The following PCDHA1 variants were observed in gnomAD, a reference collection of about 807,000 sequenced individuals.
The protein encoded by PCDHA1 is protocadherin alpha 1.
A neutral mutation model predicts 61.3 loss-of-function variants in PCDHA1; 42 were observed. The ratio of observed to expected loss-of-function variants is 0.69; its 90% CI spans 0.54 to 0.89. The LOEUF is 0.89. PCDHA1 is among the 40% of genes least tolerant of loss of function. The pLI is 0.00. For missense variants in PCDHA1, 1,256 were observed against 1,235.3 expected (o/e 1.02, Z -0.25); for synonymous variants, 610 against 553.8 (o/e 1.10, Z -1.43).
At chr5:140,968,322 C>T (rs782755782) in intron 1 of PCDHA1, 9 of 1,614,122 alleles carry the variant, frequency 5.6e-6, no homozygotes, top group Non-Finnish European at 6.8e-6. Context: ...CTGCCAGTCA[C>T]CTCCTATGTC....
chr5:140,887,004 C>T (rs1341039143), intron 1 of PCDHA1, among the ~76,000 whole-genome samples: 1 of 152,066 alleles, frequency 6.6e-6, no homozygotes, highest in African/African-American at 2.4e-5. Flanking sequence ...GTTGGTATCA[C>T]TTTCCTACTG....
Position 140,857,722 on chromosome 5 carries a change from C to G in PCDHA1, c.2394+69038C>G, listed in dbSNP as rs371525843. The G allele has an allele frequency of 7.4e-5, 119 of 1,597,430 alleles. 2 individuals carry two copies. The highest frequency in any genetic ancestry group is 6.2e-4 in the East Asian group (28 of 44,824). The stretch of plus-strand genomic sequence containing the variant: ...TGCAGGTGTTCGTGCTGGACGAGAA[C>G]GACAACGCTCCCGCGCTGCTGGCGT... On this transcript the variant is annotated intron_variant, in intron 1 of 3. Transcript: ENST00000504120.
intron 1 of PCDHA1, chr5:140,858,206 A>T (rs781984728): frequency 1.3e-6 from 2 of 1,593,038 alleles, no homozygotes; most frequent in Non-Finnish European, 1.7e-6. Flanking sequence ...CACTGCACTG[A>T]GGTGCTCGGC....
intron 1 of PCDHA1, chr5:140,835,364 C>T: frequency 6.2e-7 from 1 of 1,613,892 alleles, no homozygotes; most frequent in Non-Finnish European, 8.5e-7. Flanking sequence ...ATAAAGGCTT[C>T]CCACCCCTGG....
chr5:140,967,495 C>G, intron 1 of PCDHA1: 1 of 1,613,306 alleles, frequency 6.2e-7, no homozygotes. Flanking sequence ...CGGCACAGAT[C>G]TCTGTGCGTG....
chr5:140,822,587 G>T (rs2150117559), intron 1 of PCDHA1: 36 of 1,609,596 alleles, frequency 2.2e-5, no homozygotes, highest in Middle Eastern at 1.6e-4. Flanking sequence ...GCAGATGAGG[G>T]CATCAATAAG....
At position 140,843,439 on chromosome 5, in the gene PCDHA1, G is replaced by T. The variant is rs2150360020; in HGVS notation, c.2394+54755G>T. The T allele has an allele frequency of 1.9e-6, 3 of 1,596,092 alleles. No homozygotes were observed. In the South Asian group the frequency reaches 3.3e-5, roughly 18 times the overall value. On this transcript the variant is annotated intron_variant, in intron 1 of 3. Transcript: ENST00000504120. ...TGTACCTGATCATCGCCATCTGCGC[G>T]GTATCCAGCCTGCTGGTGCTCACGC...
intron 1 of PCDHA1, chr5:140,875,542 T>A: frequency 6.2e-7 from 1 of 1,614,134 alleles, no homozygotes; most frequent in Non-Finnish European, 8.5e-7. Flanking sequence ...CCTTGCAGCC[T>A]GGGAGGTGGG....
At chr5:140,823,702 C>A in intron 1 of PCDHA1, 1 of 1,613,952 alleles carries the variant, frequency 6.2e-7, no homozygotes, top group Non-Finnish European at 8.5e-7. Context: ...CGAAGCACCG[C>A]GCCACCGCCT....
At chr5:140,972,275 G>A (rs548735122) in intron 1 of PCDHA1, among the ~76,000 whole-genome samples, 1 of 150,974 alleles carries the variant, frequency 6.6e-6, no homozygotes, top group African/African-American at 2.4e-5. Flanking sequence ...GAGTAGCTTG[G>A]ACCATAGATG....
At chr5:140,843,906 T>C in intron 1 of PCDHA1, 1 of 648,462 alleles carries the variant, frequency 1.5e-6, no homozygotes, top group Non-Finnish European at 2.6e-6. Context: ...TCTCCACAAG[T>C]TGGGTCTATC....
At chr5:140,940,566 G>T (rs1226026261) in intron 1 of PCDHA1, among the ~76,000 whole-genome samples, 1 of 151,754 alleles carries the variant, frequency 6.6e-6, no homozygotes, top group African/African-American at 2.4e-5. Flanking sequence ...CTCCTACCTT[G>T]GCTCCCAAAG....
Position 140,816,793 on chromosome 5 carries a change from C to T in PCDHA1, c.2394+28109C>T, listed in dbSNP as rs2126675269. 4 of 147,716 alleles carry T rather than the reference C, an allele frequency of 2.7e-5. No individual in the cohort carries two copies. The East Asian group carries it at 7.9e-4, about 29-fold the overall frequency. 9.2% of individuals were successfully genotyped at this position (147,716 alleles called of 1,614,324 possible). A position where few individuals can be genotyped will look rare whatever the true frequency, so the allele number is the denominator to read the frequency against. ...ATTCCTAATTAGAGGGATCTGCCAG[C>T]TTTTTTTTTTAAGATGCTCTAATCT... On this transcript the variant is annotated intron_variant, in intron 1 of 3. Coordinates refer to ENST00000504120, the MANE Select transcript of PCDHA1 (RefSeq NM_018900.4).
intron 1 of PCDHA1, among the ~76,000 whole-genome samples, chr5:140,872,990 A>C (rs987650775): frequency 6.6e-6 from 1 of 152,184 alleles, no homozygotes; most frequent in African/African-American, 2.4e-5. Context: ...AAGATCATTT[A>C]CTTCTGAGTC....
At chr5:140,996,791 A>G (rs2153942087) in intron 3 of PCDHA1, among the ~76,000 whole-genome samples, 1 of 152,316 alleles carries the variant, frequency 6.6e-6, no homozygotes, top group Non-Finnish European at 1.5e-5. Context: ...CTCACTCCCT[A>G]CATCCAATCA....
chr5:140,913,824 TC>T, intron 1 of PCDHA1, among the ~76,000 whole-genome samples: 1 of 152,216 alleles, frequency 6.6e-6, no homozygotes, highest in Middle Eastern at 3.2e-3. Context: ...CTTTTAAATT[TC>T]TTTATTGACC....
intron 1 of PCDHA1, among the ~76,000 whole-genome samples, chr5:140,921,217 T>G (rs2080100928): frequency 6.6e-6 from 1 of 152,122 alleles, no homozygotes; most frequent in African/African-American, 2.4e-5. Flanking sequence ...ATTCACGTCT[T>G]TTTTGCTAGA....
chr5:140,823,811 C>T, intron 1 of PCDHA1: 4 of 1,613,820 alleles, frequency 2.5e-6, no homozygotes, highest in South Asian at 1.1e-5. Context: ...AAGGCCTCAT[C>T]GCGGGCGTCG....
At chr5:140,865,422 A>G (rs1381017187) in intron 1 of PCDHA1, 2 of 152,214 alleles carry the variant, frequency 1.3e-5, no homozygotes, top group African/African-American at 4.8e-5. Context: ...AGTAGTGTCT[A>G]CCTAGAAAAA....
Sources: gnomAD v4.1 joint callset for allele counts (sites outside exome capture counted in the v4.1 genomes callset) on GRCh38, gnomAD v4.1.1 for gene constraint, MANE v1.5 for transcripts, NCBI Gene and HGNC (gene_info 2026-07-23, HGNC 2026-07-21) for gene names.